The following PRKN variants were observed in gnomAD, a reference collection of about 807,000 sequenced individuals.
The protein encoded by PRKN is parkin RBR E3 ubiquitin protein ligase.
A neutral mutation model predicts 59.5 loss-of-function variants in PRKN; 56 were observed. The ratio of observed to expected loss-of-function variants is 0.94; its 90% CI spans 0.76 to 1.18. The LOEUF (loss-of-function observed/expected upper bound fraction) is 1.18. Ranked by LOEUF, PRKN falls within the 50% of genes most tolerant of loss-of-function variation. PRKN has a pLI of 0.00. For synonymous variants in PRKN, 250 were observed against 222.1 expected (o/e 1.13, Z -1.12); for missense variants, 657 against 596.4 (o/e 1.10, Z -1.06).
At chr6:162,248,887 T>A (rs1320933962) in intron 3 of PRKN, among the ~76,000 whole-genome samples, 4 of 152,108 alleles carry the variant, frequency 2.6e-5, no homozygotes, top group African/African-American at 9.7e-5. Flanking sequence ...TATATAATTT[T>A]TTTTTTTTTT....
At chr6:161,430,596 A>G (rs188871036) in intron 9 of PRKN, among the ~76,000 whole-genome samples, 1 of 152,052 alleles carries the variant, frequency 6.6e-6, no homozygotes, top group African/African-American at 2.4e-5. Flanking sequence ...CGGGTGGATC[A>G]CGAGGTCAGG....
At chr6:161,543,471 C>T (rs567701161) in intron 9 of PRKN, among the ~76,000 whole-genome samples, 1 of 152,236 alleles carries the variant, frequency 6.6e-6, no homozygotes, top group African/African-American at 2.4e-5. Context: ...AAGTGAGGAG[C>T]CCAAGGTGAA....
At chr6:162,667,486 C>CT (rs1486542105) in intron 1 of PRKN, among the ~76,000 whole-genome samples, 1 of 151,930 alleles carries the variant, frequency 6.6e-6, no homozygotes, top group Non-Finnish European at 1.5e-5. Flanking sequence ...CTTTGAAAGT[C>CT]TGTCAAAATT....
At chr6:162,439,690 T>C (rs547439454) in intron 2 of PRKN, among the ~76,000 whole-genome samples, 399 of 135,282 alleles carry the variant, frequency 2.9e-3, no homozygotes, top group Non-Finnish European at 3.8e-3. Flanking sequence ...CCTCTTCCTC[T>C]TCCTCTTTAG....
Position 161,582,465 on chromosome 6 carries a change from C to T in PRKN, c.872-13049G>A, listed in dbSNP as rs571760567. 2.0e-5 allele frequency among the ~76,000 whole-genome samples: 3 copies of T among 151,498 alleles called. No homozygotes were observed. Among genetic ancestry groups the T allele is most frequent in the East Asian group, 3.9e-4 (2 of 5,118 alleles). ...TTTTTGAGACAGAGTCTCGCTCTGTCGCCTAGGCTGGAGTGCAGTGGCGCG... is the reference window on the plus strand; with the variant it reads ...TTTTTGAGACAGAGTCTCGCTCTGTTGCCTAGGCTGGAGTGCAGTGGCGCG... On this transcript the variant is annotated intron_variant, in intron 7 of 11. Transcript: ENST00000366898. The surrounding 1 kb of genome is among the most constrained non-coding windows in gnomAD (Gnocchi z 4.4).
At chr6:162,108,474 G>A (rs1780285295) in intron 4 of PRKN, among the ~76,000 whole-genome samples, 1 of 152,184 alleles carries the variant, frequency 6.6e-6, no homozygotes, top group Non-Finnish European at 1.5e-5. Context: ...TTTACGAAAT[G>A]TCAGTGTTTC....
chr6:161,862,792 T>C (rs9689943), intron 6 of PRKN, among the ~76,000 whole-genome samples: 72,182 of 151,842 alleles, frequency 0.48, 17,417 homozygotes, highest in African/African-American at 0.54. Flanking sequence ...GGAGTCCAAG[T>C]CACACAGAAG....
At chr6:162,483,028 C>T (rs1037910078) in intron 1 of PRKN, among the ~76,000 whole-genome samples, 27 of 152,150 alleles carry the variant, frequency 1.8e-4, no homozygotes, top group African/African-American at 6.3e-4. Flanking sequence ...TATGATTATA[C>T]TATGATTATA....
chr6:162,288,766 A>G (rs1293399990), intron 2 of PRKN, among the ~76,000 whole-genome samples: 2 of 152,202 alleles, frequency 1.3e-5, no homozygotes, highest in Admixed American at 6.5e-5. Context: ...GATACCATTT[A>G]TAAACATCGG....
chr6:161,731,434 C>A (rs1787707248), intron 7 of PRKN, among the ~76,000 whole-genome samples: 1 of 152,172 alleles, frequency 6.6e-6, no homozygotes, highest in African/African-American at 2.4e-5. Flanking sequence ...TGGAAGCAGG[C>A]TAAGATTTTT....
chr6:162,278,522 GT>G (rs1289734806), intron 2 of PRKN, among the ~76,000 whole-genome samples: 3 of 152,044 alleles, frequency 2.0e-5, no homozygotes, highest in Non-Finnish European at 2.9e-5. Flanking sequence ...AATGGAGAGG[GT>G]ATGGGCACAT....
intron 4 of PRKN, among the ~76,000 whole-genome samples, chr6:162,062,506 G>C (rs1157510400): frequency 6.6e-6 from 1 of 152,146 alleles, no homozygotes; most frequent in African/African-American, 2.4e-5. Context: ...TTGGAGATAG[G>C]TCTTGACAGA....
In PRKN at chr6:162,227,495, T is replaced by C. The variant is rs529334705; in HGVS notation, c.413-26243A>G. Among the ~76,000 whole-genome samples the C allele has an allele frequency of 2.0e-4, 30 of 152,282 alleles. 1 individual carries two copies. The East Asian group carries it at 5.6e-3, about 28-fold the overall frequency. ...TATAGTTTAAATGTAAGAGACTCTC[T>C]CAATGATCAATAAATCTGACACCCA... On this transcript the variant is annotated intron_variant, in intron 3 of 11. Coordinates refer to ENST00000366898, the MANE Select transcript of PRKN (RefSeq NM_004562.3).
At chr6:162,368,393 T>A (rs1043647705) in intron 2 of PRKN, among the ~76,000 whole-genome samples, 1 of 152,198 alleles carries the variant, frequency 6.6e-6, no homozygotes, top group African/African-American at 2.4e-5. Context: ...TCCATGCTGT[T>A]GCCAAATGCC....
intron 1 of PRKN, among the ~76,000 whole-genome samples, chr6:162,490,238 G>T (rs777603419): frequency 6.6e-6 from 1 of 152,098 alleles, no homozygotes; most frequent in Non-Finnish European, 1.5e-5. Context: ...TTGTCGGGGG[G>T]AAAAAGTGTG....
rs76164488 is a variant in PRKN at position 161,457,364 on chromosome 6, G to T, written c.1084-70487C>A. Among the ~76,000 whole-genome samples, 7,236 of 152,150 alleles carry T rather than the reference G, an allele frequency of 0.048. 189 individuals are homozygous for T. The highest frequency in any genetic ancestry group is 0.068 in the African/African-American group (2,819 of 41,502). On this transcript the variant is annotated intron_variant, in intron 9 of 11. Coordinates refer to ENST00000366898, the MANE Select transcript of PRKN (RefSeq NM_004562.3). This position sits in a 1 kb window ranked among gnomAD's most constrained non-coding sequence, Gnocchi z 5.0. ...ACTCTGAATGCATCCCTACTGAATA[G>T]AGAACTCTAGTAATTTCTACTGAAA...
intron 1 of PRKN, among the ~76,000 whole-genome samples, chr6:162,578,905 T>C (rs1423407553): frequency 6.6e-6 from 1 of 152,232 alleles, no homozygotes; most frequent in Admixed American, 6.5e-5. Flanking sequence ...TAAATGAACT[T>C]AAGTTCCAAA....
At chr6:162,563,527 A>G (rs1779939067) in intron 1 of PRKN, among the ~76,000 whole-genome samples, 1 of 152,202 alleles carries the variant, frequency 6.6e-6, no homozygotes, top group Non-Finnish European at 1.5e-5. Flanking sequence ...ATATCTAGAA[A>G]GCCTTTCTGA....
intron 1 of PRKN, among the ~76,000 whole-genome samples, chr6:162,617,322 C>A: frequency 6.6e-6 from 1 of 152,150 alleles, no homozygotes; most frequent in Non-Finnish European, 1.5e-5. Context: ...ACAAACACTT[C>A]CCAGGTTCAA....
Sources: allele counts gnomAD v4.1 joint callset (sites outside exome capture counted in the v4.1 genomes callset), GRCh38; gene constraint gnomAD v4.1.1; non-coding constraint Gnocchi (gnomAD v3.1); transcripts MANE v1.5; gene names NCBI Gene and HGNC (gene_info 2026-07-23, HGNC 2026-07-21).